Variants in ADGRL3 observed in about 807,000 individuals in gnomAD.
ADGRL3 encodes the protein calcium-independent alpha-latrotoxin receptor 3.
ADGRL3 carries 62 observed loss-of-function variants against 153.5 expected under a neutral mutation model. That is an observed-to-expected ratio of 0.40 (90% CI 0.33 to 0.50). The LOEUF (loss-of-function observed/expected upper bound fraction) is 0.50, where lower values mean the gene tolerates loss of function less well. Ranked by LOEUF, ADGRL3 falls within the 20% of genes least tolerant of loss-of-function variation. ADGRL3 has a pLI of 0.47. For synonymous variants in ADGRL3, 710 were observed against 672.5 expected (o/e 1.06, Z -0.86); for missense variants, 1,641 against 1,859.4 (o/e 0.88, Z 2.16).
intron 1 of ADGRL3, among the ~76,000 whole-genome samples, chr4:61,360,603 T>C (rs943627404): frequency 1.3e-5 from 2 of 152,200 alleles, no homozygotes; most frequent in Admixed American, 6.5e-5. Flanking sequence ...AAAACTTCTT[T>C]CCTGGAATGA....
At chr4:61,899,111 T>A (rs1399599391) in intron 11 of ADGRL3, among the ~76,000 whole-genome samples, 1 of 152,152 alleles carries the variant, frequency 6.6e-6, no homozygotes, top group African/African-American at 2.4e-5. Context: ...GCAGCTCCAT[T>A]TTACAGGCTG....
chr4:61,919,054 A>G (rs980609971), intron 13 of ADGRL3, among the ~76,000 whole-genome samples: 1 of 152,184 alleles, frequency 6.6e-6, no homozygotes, highest in Non-Finnish European at 1.5e-5. Flanking sequence ...CATGTCAAAC[A>G]ACTTTCAGAG....
At chr4:61,370,615 T>C (rs1456616817) in intron 1 of ADGRL3, among the ~76,000 whole-genome samples, 1 of 152,062 alleles carries the variant, frequency 6.6e-6, no homozygotes, top group Non-Finnish European at 1.5e-5. Context: ...TAATTTCTGT[T>C]CTTTTACATT....
At chr4:61,453,508 C>A (rs2097699209) in intron 2 of ADGRL3, among the ~76,000 whole-genome samples, 1 of 152,000 alleles carries the variant, frequency 6.6e-6, no homozygotes, top group Non-Finnish European at 1.5e-5. Context: ...TGTTTAGTCT[C>A]AAAATTTTTA....
At chr4:61,420,560 C>G (rs2097193322) in intron 2 of ADGRL3, 1 of 151,726 alleles carries the variant, frequency 6.6e-6, no homozygotes, top group Non-Finnish European at 1.5e-5. Context: ...GCGCCCGCCA[C>G]CACGTCCGGC....
intron 5 of ADGRL3, among the ~76,000 whole-genome samples, chr4:61,625,775 A>G (rs1320038823): frequency 6.6e-6 from 1 of 152,086 alleles, no homozygotes; most frequent in African/African-American, 2.4e-5. Flanking sequence ...TACAGAGACA[A>G]CTAAGCTTCT....
At chr4:61,778,063 A>G (rs1212560569) in intron 8 of ADGRL3, among the ~76,000 whole-genome samples, 1 of 152,238 alleles carries the variant, frequency 6.6e-6, no homozygotes, top group Admixed American at 6.5e-5. Context: ...GGAAAATTCC[A>G]TACCTGACCT....
At chr4:61,483,052 AAAGAATTCT>A (rs1323558794) in intron 2 of ADGRL3, among the ~76,000 whole-genome samples, 1 of 152,180 alleles carries the variant, frequency 6.6e-6, no homozygotes, top group East Asian at 1.9e-4. Flanking sequence ...TATGCAGTGT[AAAGAATTCT>A]AAGTGAGATA....
chr4:61,988,089 T>C (rs373143196), intron 19 of ADGRL3, among the ~76,000 whole-genome samples: 1 of 152,150 alleles, frequency 6.6e-6, no homozygotes. Flanking sequence ...GATGTTTTTC[T>C]ATGAAATGTT....
chr4:61,954,857 T>C (rs1479875228), intron 17 of ADGRL3, among the ~76,000 whole-genome samples: 1 of 152,122 alleles, frequency 6.6e-6, no homozygotes, highest in African/African-American at 2.4e-5. Context: ...CTCCACAAAA[T>C]ATAGAGGGAG....
chr4:62,022,644 T>C (rs2099243312), intron 21 of ADGRL3, among the ~76,000 whole-genome samples: 1 of 152,122 alleles, frequency 6.6e-6, no homozygotes, highest in Non-Finnish European at 1.5e-5. Context: ...AGCCAGTGCT[T>C]ACTATCATTC....
intron 13 of ADGRL3, among the ~76,000 whole-genome samples, chr4:61,926,107 T>G (rs2098793264): frequency 6.6e-6 from 1 of 152,190 alleles, no homozygotes; most frequent in Non-Finnish European, 1.5e-5. Context: ...ACAATGGTAT[T>G]TGTGTATCTA....
chr4:61,966,576 GT>G (rs2099007654), intron 17 of ADGRL3, among the ~76,000 whole-genome samples: 1 of 121,988 alleles, frequency 8.2e-6, no homozygotes, highest in African/African-American at 3.6e-5. Context: ...CAAAAGGGGT[GT>G]GTGTGTGTGT....
intron 14 of ADGRL3, among the ~76,000 whole-genome samples, chr4:61,935,421 TG>T (rs1472218925): frequency 6.6e-6 from 1 of 152,122 alleles, no homozygotes; most frequent in Non-Finnish European, 1.5e-5. Context: ...GTCATTTGAG[TG>T]AAAATGATAA....
chr4:61,886,012 A>G (rs2098536701), intron 9 of ADGRL3, among the ~76,000 whole-genome samples: 1 of 152,192 alleles, frequency 6.6e-6, no homozygotes, highest in Non-Finnish European at 1.5e-5. Context: ...TGTTTATTTA[A>G]ACAGATAGCT....
At chr4:61,792,599 C>T (rs899774854) in intron 8 of ADGRL3, among the ~76,000 whole-genome samples, 11 of 151,712 alleles carry the variant, frequency 7.3e-5, no homozygotes, top group Non-Finnish European at 2.9e-5. Flanking sequence ...AAGTGATTCT[C>T]CTGCCTCAGC....
intron 9 of ADGRL3, among the ~76,000 whole-genome samples, chr4:61,839,766 T>G (rs2097998503): frequency 6.6e-6 from 1 of 151,502 alleles, no homozygotes; most frequent in East Asian, 2.0e-4. Flanking sequence ...AGACCCTGTC[T>G]CTGCCCACCC....
intron 1 of ADGRL3, among the ~76,000 whole-genome samples, chr4:61,256,873 A>G (rs966272402): frequency 6.6e-6 from 1 of 152,108 alleles, no homozygotes; most frequent in Admixed American, 6.5e-5. Flanking sequence ...TGAAAAACTA[A>G]ATTCAATATT....
At chr4:61,549,480 C>T (rs1380806854) in intron 4 of ADGRL3, among the ~76,000 whole-genome samples, 1 of 151,872 alleles carries the variant, frequency 6.6e-6, no homozygotes, top group Non-Finnish European at 1.5e-5. Context: ...TCATTTTTGC[C>T]TGAGAACTTC....
Sources: allele counts gnomAD v4.1 joint callset (sites outside exome capture counted in the v4.1 genomes callset), GRCh38; gene constraint gnomAD v4.1.1; transcripts MANE v1.5; gene names NCBI Gene and HGNC (gene_info 2026-07-23, HGNC 2026-07-21).